Variants in EHBP1 observed in about 807,000 individuals in gnomAD.
EHBP1 encodes the protein EH domain binding protein 1, also known as EH domain-binding protein 1.
EHBP1 carries 55 observed loss-of-function variants against 144.0 expected under a neutral mutation model. The observed-to-expected ratio is 0.38, with a 90% CI of 0.31 to 0.48. EHBP1 has a LOEUF of 0.48. EHBP1 is among the 20% of genes least tolerant of loss of function. The pLI is 0.98. For missense variants in EHBP1, 1,200 were observed against 1,364.2 expected (o/e 0.88, Z 1.90); for synonymous variants, 469 against 472.7 (o/e 0.99, Z 0.10).
At position 63,020,508 on chromosome 2, in the gene EHBP1, AAAAAAAGAAAG is replaced by A. The variant is rs201593780; in HGVS notation, c.3104-17011_3104-17001del. On this transcript the variant is annotated intron_variant, in intron 19 of 22. Transcript: ENST00000431489. ...ACAGAATGAGACTACATCTCAAAAAAAAAAAAGAAAGAAAAAAGAAAGAAAAGAAAAGGCTG... is the reference window on the plus strand; with the variant it reads ...ACAGAATGAGACTACATCTCAAAAAAAAAAAAGAAAGAAAAGAAAAGGCTG... Among the ~76,000 whole-genome samples, 521 of 151,548 alleles carry A rather than the reference AAAAAAAGAAAG, an allele frequency of 3.4e-3. 12 individuals carry two copies. In the East Asian group the frequency reaches 0.076, roughly 22 times the overall value.
intron 3 of EHBP1, among the ~76,000 whole-genome samples, chr2:62,755,175 C>T (rs1370544003): frequency 5.9e-5 from 9 of 152,192 alleles, no homozygotes; most frequent in African/African-American, 4.8e-5. Context: ...CAGTTCCCAA[C>T]CCTCAGAGGT....
At chr2:62,850,848 A>C (rs185447624) in intron 7 of EHBP1, among the ~76,000 whole-genome samples, 89 of 152,328 alleles carry the variant, frequency 5.8e-4, no homozygotes, top group Non-Finnish European at 4.1e-4. Context: ...GAAGAAACAG[A>C]CAAGTACTTT....
At chr2:62,792,317 A>C (rs950666593) in intron 5 of EHBP1, among the ~76,000 whole-genome samples, 2 of 152,062 alleles carry the variant, frequency 1.3e-5, no homozygotes, top group African/African-American at 4.8e-5. Context: ...CAGATATATT[A>C]GTGCCTTTCT....
intron 19 of EHBP1, among the ~76,000 whole-genome samples, chr2:63,009,945 T>A (rs1476615457): frequency 1.3e-5 from 2 of 151,498 alleles, no homozygotes; most frequent in African/African-American, 4.8e-5. Flanking sequence ...CAATATACTG[T>A]AATAAAAGTC....
intron 5 of EHBP1, among the ~76,000 whole-genome samples, chr2:62,789,330 A>G (rs567580085): frequency 6.6e-6 from 1 of 152,178 alleles, no homozygotes; most frequent in South Asian, 2.1e-4. Flanking sequence ...TGCTTCATCT[A>G]TTTACGTAAT....
intron 10 of EHBP1, among the ~76,000 whole-genome samples, chr2:62,884,863 C>T (rs771795658): frequency 3.3e-5 from 5 of 152,062 alleles, no homozygotes; most frequent in Middle Eastern, 3.4e-3. Context: ...ATTTAGTATA[C>T]GATATTCTAT....
chr2:62,720,489 C>T (rs1572955674), intron 2 of EHBP1, among the ~76,000 whole-genome samples: 1 of 152,064 alleles, frequency 6.6e-6, no homozygotes, highest in Admixed American at 6.6e-5. Flanking sequence ...TTCTCTTTCC[C>T]TCTCCAAAAT....
intron 15 of EHBP1, among the ~76,000 whole-genome samples, chr2:62,984,998 G>A (rs1332354274): frequency 6.6e-6 from 1 of 151,942 alleles, no homozygotes; most frequent in Non-Finnish European, 1.5e-5. Flanking sequence ...GTTTACTCGG[G>A]CTGGAGAGTT....
intron 1 of EHBP1, among the ~76,000 whole-genome samples, chr2:62,689,766 C>G (rs567721506): frequency 2.6e-5 from 4 of 152,254 alleles, no homozygotes; most frequent in African/African-American, 9.6e-5. Flanking sequence ...CAAATTCTGA[C>G]TTTTTCCTGA....
chr2:62,816,021 A>G (rs1392026990), intron 5 of EHBP1, among the ~76,000 whole-genome samples: 7 of 152,212 alleles, frequency 4.6e-5, no homozygotes, highest in Non-Finnish European at 2.9e-5. Context: ...ATTAGCCTTT[A>G]AGAAACTACT....
intron 19 of EHBP1, among the ~76,000 whole-genome samples, chr2:63,008,651 C>T (rs551992206): frequency 2.0e-5 from 3 of 146,706 alleles, no homozygotes; most frequent in Non-Finnish European, 3.0e-5. Context: ...GGCTTTCTGC[C>T]TTTTAGTTTT....
intron 19 of EHBP1, among the ~76,000 whole-genome samples, chr2:63,029,100 AT>A: frequency 6.6e-6 from 1 of 151,724 alleles, no homozygotes; most frequent in Non-Finnish European, 1.5e-5. Flanking sequence ...GCAGTATTCC[AT>A]TATCTACTTT....
intron 2 of EHBP1, among the ~76,000 whole-genome samples, chr2:62,738,901 C>CT (rs963997992): frequency 2.0e-5 from 3 of 152,008 alleles, no homozygotes; most frequent in African/African-American, 7.2e-5. Context: ...TCTTTTTCTT[C>CT]TTTTTAGCCT....
intron 2 of EHBP1, among the ~76,000 whole-genome samples, chr2:62,714,973 A>G (rs1041918708): frequency 1.3e-5 from 2 of 152,322 alleles, no homozygotes; most frequent in African/African-American, 4.8e-5. Flanking sequence ...TTTCCTTTTT[A>G]TAATAATTTC....
intron 7 of EHBP1, chr2:62,858,347 A>T: frequency 8.8e-7 from 1 of 1,136,312 alleles, no homozygotes. Context: ...GCATGCTCCT[A>T]CTTCTCTTTA....
chr2:62,863,410 A>G (rs1482191180), intron 8 of EHBP1, among the ~76,000 whole-genome samples: 2 of 151,996 alleles, frequency 1.3e-5, no homozygotes, highest in East Asian at 1.9e-4. Flanking sequence ...CCGCTGCACT[A>G]CAGCCTGGGC....
chr2:62,690,584 A>T (rs532927120), intron 1 of EHBP1, among the ~76,000 whole-genome samples: 79 of 152,118 alleles, frequency 5.2e-4, no homozygotes, highest in African/African-American at 1.8e-3. Context: ...TTAATTAAAT[A>T]AAAAAAATTG....
At chr2:62,791,702 T>C (rs1433267221) in intron 5 of EHBP1, among the ~76,000 whole-genome samples, 1 of 151,972 alleles carries the variant, frequency 6.6e-6, no homozygotes, top group Non-Finnish European at 1.5e-5. Context: ...TTTAATGATG[T>C]TTTAAATACC....
At chr2:62,843,008 T>G (rs765174731) in intron 7 of EHBP1, among the ~76,000 whole-genome samples, 1 of 152,226 alleles carries the variant, frequency 6.6e-6, no homozygotes, top group Non-Finnish European at 1.5e-5. Flanking sequence ...ACATATACTA[T>G]TCCTTATTTT....
Sources: allele counts gnomAD v4.1 joint callset (sites outside exome capture counted in the v4.1 genomes callset), GRCh38; gene constraint gnomAD v4.1.1; transcripts MANE v1.5; gene names NCBI Gene and HGNC (gene_info 2026-07-23, HGNC 2026-07-21).